ITGAD: variants seen among roughly 807,000 people sequenced by gnomAD.
ITGAD encodes integrin subunit alpha D, also known as integrin alpha-D.
A neutral mutation model predicts 139.0 loss-of-function variants in ITGAD; 105 were observed. The observed-to-expected ratio is 0.76, with a 90% confidence interval of 0.65 to 0.89. The LOEUF is 0.89. ITGAD is among the 40% of genes least tolerant of loss of function. The pLI, the probability that ITGAD is intolerant of heterozygous loss-of-function variation, is 0.00. For missense variants in ITGAD, 1,384 were observed against 1,487.3 expected (o/e 0.93, Z 1.14); for synonymous variants, 569 against 598.3 (o/e 0.95, Z 0.71).
At position 31,412,911 on chromosome 16, in the gene ITGAD, C is replaced by T. The variant is rs756107108; in HGVS notation, c.1781C>T (p.Thr594Ile). 1 of 1,613,788 alleles carries T rather than the reference C, an allele frequency of 6.2e-7. No individual in the cohort carries two copies. The highest frequency in any genetic ancestry group is 2.2e-5 in the East Asian group (1 of 44,874). ...GCGCTGAGTGGGGGTCAGGACCTCA[C>T]CCAGGATGGACTGATGGACCTGGCC... ...GQALSGGQDL[T>I]QDGLMDLAVG... Residue 594 changes from threonine to isoleucine, a missense_variant, in exon 15 of 30, where the codon ACC becomes ATC. Thr to Ile is a moderately conservative substitution (Grantham distance 89, BLOSUM62 -1). Transcript: ENST00000389202.
In ITGAD at chr16:31,403,061, G is replaced by A. The variant is rs1177176958; in HGVS notation, c.559-439G>A. Among the ~76,000 whole-genome samples the A allele has an allele frequency of 6.6e-6, 1 of 152,150 alleles. No homozygotes were observed. The highest frequency in any genetic ancestry group is 6.5e-5 in the Admixed American group (1 of 15,280). On this transcript the variant is annotated intron_variant, in intron 6 of 29. Transcript: ENST00000389202. This position sits in a 1 kb window ranked among gnomAD's most constrained non-coding sequence, Gnocchi z 4.4. ...GTTTAGATTTTCCAGTTTATATTTTGTATTTTTGGGCCAATGAATTTTCTT... is the reference window on the plus strand; with the variant it reads ...GTTTAGATTTTCCAGTTTATATTTTATATTTTTGGGCCAATGAATTTTCTT...
chr16:31,402,370 G>A (rs1185023865), intron 6 of ITGAD, 125 bp downstream of exon 6: 5 of 881,284 alleles, frequency 5.7e-6, no homozygotes, highest in Non-Finnish European at 8.8e-6. Context: ...GGAGAATGAA[G>A]CTATGGTCCC....
chr16:31,421,475 T>G (rs964263030), intron 23 of ITGAD, among the ~76,000 whole-genome samples: 2 of 149,150 alleles, frequency 1.3e-5, no homozygotes, highest in Admixed American at 1.3e-4. Flanking sequence ...AAAAAAAAAT[T>G]AAAAATGAAA....
rs9939894 is a variant in ITGAD at position 31,408,522 on chromosome 16, C to T, written c.1083+24C>T. 2.5e-3 allele frequency: 4,093 copies of T among 1,605,402 alleles called. 85 individuals are homozygous for T. In the African/African-American group the frequency reaches 0.048, roughly 19 times the overall value. ...TGGTGGGTAGAGCCTGCCCTCAATCCATAGCTCTTGGATACCAACTCTGCA... is the reference window on the plus strand; with the variant it reads ...TGGTGGGTAGAGCCTGCCCTCAATCTATAGCTCTTGGATACCAACTCTGCA... On this transcript the variant is annotated intron_variant, in intron 10 of 29. Transcript: ENST00000389202.
chr16:31,408,813 G>A (rs4889654), intron 10 of ITGAD, among the ~76,000 whole-genome samples: 89,120 of 152,042 alleles, frequency 0.59, 26,491 homozygotes, highest in Middle Eastern at 0.72. Context: ...GACAAATCAG[G>A]GGAGACTGTT....
At chr16:31,399,036 G>A (rs2081340794) in intron 5 of ITGAD, among the ~76,000 whole-genome samples, 1 of 152,170 alleles carries the variant, frequency 6.6e-6, no homozygotes, top group Admixed American at 6.5e-5. Context: ...ACAGGGCTGC[G>A]GAAAATGCGA....
At chr16:31,424,612 T>G in intron 29 of ITGAD, 35 bp downstream of exon 29, 1 of 1,372,308 alleles carries the variant, frequency 7.3e-7, no homozygotes. Context: ...TTTTTTTTTT[T>G]TGAGATGGAG....
chr16:31,422,503 A>C (rs1022524754), intron 23 of ITGAD, among the ~76,000 whole-genome samples: 1 of 152,068 alleles, frequency 6.6e-6, no homozygotes, highest in African/African-American at 2.4e-5. Context: ...CCCTCACTCC[A>C]TGTCTTCCTG....
At chr16:31,414,050 C>T (rs1160001164) in intron 16 of ITGAD, among the ~76,000 whole-genome samples, 3 of 152,132 alleles carry the variant, frequency 2.0e-5, no homozygotes, top group African/African-American at 7.2e-5. Context: ...CATCTATCTG[C>T]CAAATCTGTC....
intron 23 of ITGAD, among the ~76,000 whole-genome samples, chr16:31,419,200 A>C (rs114281303): frequency 0.075 from 11,332 of 151,264 alleles, 466 homozygotes; most frequent in African/African-American, 0.097. Flanking sequence ...CTCAAACAAA[A>C]AAAAAAAAAA....
At chr16:31,417,224 A>ATTTC (rs2081913884) in intron 20 of ITGAD, among the ~76,000 whole-genome samples, 1 of 143,792 alleles carries the variant, frequency 7.0e-6, no homozygotes. Flanking sequence ...TTATTTATTT[A>ATTTC]TTTATTTATT....
At position 31,403,271 on chromosome 16, in the gene ITGAD, C is replaced by T. The variant is rs1377109267; in HGVS notation, c.559-229C>T. 5 of 468,314 alleles carry T rather than the reference C, an allele frequency of 1.1e-5. No individual in the cohort carries two copies. The East Asian group carries it at 1.2e-4, about 11-fold the overall frequency. 29.0% of individuals were successfully genotyped at this position (468,314 alleles called of 1,614,324 possible). ...GGAGTATTGCTTGAGGCCAAGAGTT[C>T]GAGACCAGCCTGGGCAACATAGTGA... On this transcript the variant is annotated intron_variant, in intron 6 of 29. Transcript: ENST00000389202. This position sits in a 1 kb window ranked among gnomAD's most constrained non-coding sequence, Gnocchi z 4.4.
chr16:31,422,159 T>G (rs954346376), intron 23 of ITGAD, among the ~76,000 whole-genome samples: 1 of 151,900 alleles, frequency 6.6e-6, no homozygotes, highest in African/African-American at 2.4e-5. Context: ...AGGCCAGTCT[T>G]GAACTCCTGG....
intron 3 of ITGAD, 61 bp from the exon 4 acceptor site, chr16:31,397,535 C>T: frequency 6.3e-7 from 1 of 1,595,388 alleles, no homozygotes; most frequent in Non-Finnish European, 8.5e-7. Flanking sequence ...GCTTCCAGTC[C>T]AGACCTTCCC....
intron 7 of ITGAD, among the ~76,000 whole-genome samples, chr16:31,406,058 T>C (rs2081532418): frequency 6.6e-6 from 1 of 151,874 alleles, no homozygotes; most frequent in Admixed American, 6.6e-5. Context: ...TAGAGTTACA[T>C]GAGCAGGTAG....
chr16:31,405,480 CT>C (rs1489914440), intron 7 of ITGAD, among the ~76,000 whole-genome samples: 1 of 152,164 alleles, frequency 6.6e-6, no homozygotes, highest in Non-Finnish European at 1.5e-5. Context: ...TCAAGGGATA[CT>C]TACAAGTGAA....
intron 2 of ITGAD, among the ~76,000 whole-genome samples, chr16:31,395,529 C>G (rs560094898): frequency 1.3e-5 from 2 of 152,070 alleles, no homozygotes; most frequent in African/African-American, 4.8e-5. Context: ...GGGAGTACCC[C>G]GAGGGAGTGG....
rs1298526504 is a variant in ITGAD, at chr16:31,394,836, T to A, written c.137+495T>A. On this transcript the variant is annotated intron_variant, in intron 2 of 29. Coordinates refer to ENST00000389202, the MANE Select transcript of ITGAD (RefSeq NM_005353.3). ...ACAGGTGCATGCCATCATGCCTGTT[T>A]TTTGTTTTGTTTTGTTTTACTTTTT... Among the ~76,000 whole-genome samples, 3 of 152,216 alleles carry A rather than the reference T, an allele frequency of 2.0e-5. No individual in the cohort carries two copies. The East Asian group carries it at 5.8e-4, about 29-fold the overall frequency.
intron 10 of ITGAD, among the ~76,000 whole-genome samples, chr16:31,410,090 C>T (rs1012736316): frequency 6.6e-6 from 1 of 151,896 alleles, no homozygotes; most frequent in Admixed American, 6.6e-5. Context: ...ACCGTAAGGG[C>T]CTTGGTGATG....
Sources: allele counts gnomAD v4.1 joint callset (sites outside exome capture counted in the v4.1 genomes callset), GRCh38; gene constraint gnomAD v4.1.1; non-coding constraint Gnocchi (gnomAD v3.1); transcripts MANE v1.5; gene names NCBI Gene and HGNC (gene_info 2026-07-23, HGNC 2026-07-21).